The following TTC7B variants were observed in gnomAD, a reference collection of about 807,000 sequenced individuals.
The protein encoded by TTC7B is tetratricopeptide repeat protein 7B.
A neutral mutation model predicts 106.8 loss-of-function variants in TTC7B; 28 were observed. The observed-to-expected ratio is 0.26, with a 90% CI of 0.19 to 0.36. The LOEUF (loss-of-function observed/expected upper bound fraction) is 0.36. Ranked by LOEUF, TTC7B falls within the 10% of genes least tolerant of loss-of-function variation. The pLI is 1.00. For missense variants in TTC7B, 862 were observed against 1,076.4 expected (o/e 0.80, Z 2.79); for synonymous variants, 405 against 430.6 (o/e 0.94, Z 0.74).
At chr14:90,544,478 G>A (rs981668138) in intron 19 of TTC7B, among the ~76,000 whole-genome samples, 6 of 152,134 alleles carry the variant, frequency 3.9e-5, no homozygotes, top group African/African-American at 1.2e-4. Context: ...AAATAATCAC[G>A]TCCATCTCCC....
chr14:90,787,819 G>A (rs1440989595), intron 1 of TTC7B, among the ~76,000 whole-genome samples: 1 of 152,142 alleles, frequency 6.6e-6, no homozygotes, highest in Non-Finnish European at 1.5e-5. Context: ...CACGAAAACA[G>A]GGCTGAGTTC....
intron 6 of TTC7B, among the ~76,000 whole-genome samples, chr14:90,694,600 T>C (rs1887605420): frequency 6.7e-6 from 1 of 148,204 alleles, no homozygotes; most frequent in African/African-American, 2.5e-5. Flanking sequence ...GTCACATATA[T>C]TATAAATATA....
intron 16 of TTC7B, among the ~76,000 whole-genome samples, chr14:90,616,420 A>C (rs1308822231): frequency 2.0e-5 from 3 of 151,764 alleles, no homozygotes; most frequent in Admixed American, 6.6e-5. Context: ...GGCCAGTCTC[A>C]TGATTACCTT....
intron 17 of TTC7B, among the ~76,000 whole-genome samples, chr14:90,602,767 T>C (rs1595196000): frequency 6.6e-6 from 1 of 152,074 alleles, no homozygotes; most frequent in African/African-American, 2.4e-5. Context: ...TTTTGGTAGA[T>C]ACATTTTTAA....
chr14:90,572,816 G>C (rs892159325), intron 19 of TTC7B, among the ~76,000 whole-genome samples: 1 of 152,106 alleles, frequency 6.6e-6, no homozygotes, highest in Admixed American at 6.5e-5. Flanking sequence ...ACCAAGCAGC[G>C]CTCCTGATCC....
In TTC7B at chr14:90,746,255, C is replaced by G. The variant is rs143440443; in HGVS notation, c.446-1333G>C. Among the ~76,000 whole-genome samples the G allele has an allele frequency of 1.8e-3, 280 of 152,066 alleles. 1 individual carries two copies. Among genetic ancestry groups the G allele is most frequent in the Middle Eastern group, 6.8e-3 (2 of 294 alleles). On this transcript the variant is annotated intron_variant, in intron 3 of 19. Transcript: ENST00000328459. ...AGCTTTTCAATTACAAATTCTATTTCTTCGATATAGGGTCATTCAGATTGT... is the reference window on the plus strand; with the variant it reads ...AGCTTTTCAATTACAAATTCTATTTGTTCGATATAGGGTCATTCAGATTGT...
At chr14:90,745,531 T>C (rs7158495) in intron 3 of TTC7B, among the ~76,000 whole-genome samples, 101,263 of 151,908 alleles carry the variant, frequency 0.67, 34,514 homozygotes, top group African/African-American at 0.8. Flanking sequence ...TCCATGTTCA[T>C]TGAGATAATC....
chr14:90,637,304 C>T (rs1884986339), intron 15 of TTC7B, among the ~76,000 whole-genome samples: 1 of 151,540 alleles, frequency 6.6e-6, no homozygotes, highest in Non-Finnish European at 1.5e-5. Context: ...ATAATTACAG[C>T]TTATACATTA....
At chr14:90,559,928 C>A (rs936562503) in intron 19 of TTC7B, among the ~76,000 whole-genome samples, 1 of 152,246 alleles carries the variant, frequency 6.6e-6, no homozygotes, top group Non-Finnish European at 1.5e-5. Context: ...GCTCCCCCAC[C>A]GTGCTACCCT....
At chr14:90,615,624 G>A in intron 16 of TTC7B, among the ~76,000 whole-genome samples, 1 of 152,216 alleles carries the variant, frequency 6.6e-6, no homozygotes, top group Non-Finnish European at 1.5e-5. Flanking sequence ...GTGTTGCAAG[G>A]TGTGCTGTCC....
At chr14:90,589,347 G>A (rs961884043) in intron 18 of TTC7B, among the ~76,000 whole-genome samples, 1 of 152,182 alleles carries the variant, frequency 6.6e-6, no homozygotes, top group Non-Finnish European at 1.5e-5. Context: ...TCTAGTCCCT[G>A]ATATGAAATG....
At chr14:90,816,089 C>A in intron 1 of TTC7B, 86 bp downstream of exon 1, 1 of 979,676 alleles carries the variant, frequency 1.0e-6, no homozygotes, top group Non-Finnish European at 1.2e-6. Flanking sequence ...CCTGCCCGCG[C>A]CCCGCGCCCG....
chr14:90,613,390 CA>C (rs35981937), intron 16 of TTC7B, among the ~76,000 whole-genome samples: 51 of 138,130 alleles, frequency 3.7e-4, no homozygotes, highest in Middle Eastern at 3.8e-3. Flanking sequence ...AAGACTGTCT[CA>C]AAAAAAAAAA....
chr14:90,584,357 C>T (rs889225829), intron 18 of TTC7B, among the ~76,000 whole-genome samples: 2 of 152,214 alleles, frequency 1.3e-5, no homozygotes, highest in African/African-American at 4.8e-5. Context: ...CAAGCCCCTG[C>T]TTCATGTCAG....
intron 6 of TTC7B, among the ~76,000 whole-genome samples, chr14:90,694,395 G>A (rs1887593472): frequency 6.6e-6 from 1 of 151,974 alleles, no homozygotes; most frequent in Non-Finnish European, 1.5e-5. Flanking sequence ...GTTTCTTTTG[G>A]GGGTGATTAA....
At chr14:90,623,123 A>G (rs141931756) in intron 15 of TTC7B, among the ~76,000 whole-genome samples, 15 of 152,356 alleles carry the variant, frequency 9.8e-5, no homozygotes, top group African/African-American at 3.4e-4. Context: ...AGCCTTAAGT[A>G]ATAGGAGTTA....
chr14:90,558,283 T>C (rs1890409645), intron 19 of TTC7B, among the ~76,000 whole-genome samples: 1 of 152,188 alleles, frequency 6.6e-6, no homozygotes. Flanking sequence ...TAGATCTCCA[T>C]GGAGAGTGCC....
intron 15 of TTC7B, among the ~76,000 whole-genome samples, chr14:90,621,213 C>G (rs558464306): frequency 1.4e-5 from 2 of 147,104 alleles, no homozygotes; most frequent in Non-Finnish European, 3.0e-5. Flanking sequence ...ATGGCTGGGA[C>G]GATGGGCAGA....
intron 19 of TTC7B, among the ~76,000 whole-genome samples, chr14:90,562,902 G>A (rs748042673): frequency 9.2e-5 from 14 of 151,960 alleles, no homozygotes; most frequent in Non-Finnish European, 5.9e-5. Flanking sequence ...GCCTCTACTC[G>A]GCTGCCAGCA....
Sources: allele counts gnomAD v4.1 joint callset (sites outside exome capture counted in the v4.1 genomes callset), GRCh38; gene constraint gnomAD v4.1.1; transcripts MANE v1.5; gene names NCBI Gene and HGNC (gene_info 2026-07-23, HGNC 2026-07-21).